Variants in AHCYL2 observed in about 807,000 individuals in gnomAD.
AHCYL2 encodes the protein S-adenosylhomocysteine hydrolase-like protein 2.
AHCYL2 carries 28 observed loss-of-function variants against 81.4 expected under a neutral mutation model. The ratio of observed to expected loss-of-function variants is 0.34; its 90% CI spans 0.25 to 0.47. The LOEUF (loss-of-function observed/expected upper bound fraction) is 0.47, where lower values mean the gene tolerates loss of function less well. Ranked by LOEUF, AHCYL2 falls within the 20% of genes least tolerant of loss-of-function variation. The pLI, the probability that AHCYL2 is intolerant of heterozygous loss-of-function variation, is 1.00. For missense variants in AHCYL2, 551 were observed against 785.1 expected, an observed-to-expected ratio of 0.70 and a Z score of 3.56; for synonymous variants, 272 against 290.2, an observed-to-expected ratio of 0.94 and a Z score of 0.64.
At chr7:129,413,002 C>A (rs983508037) in intron 11 of AHCYL2, among the ~76,000 whole-genome samples, 1 of 151,860 alleles carries the variant, frequency 6.6e-6, no homozygotes, top group Admixed American at 6.6e-5. Flanking sequence ...CCACACCCAG[C>A]TTATTTTTGT....
At position 129,425,098 on chromosome 7, in the gene AHCYL2, G is replaced by A; in HGVS notation, c.1665G>A (p.Glu555=). 6.2e-7 allele frequency: 1 copy of A among 1,613,544 alleles called. No individual in the cohort carries two copies. Among genetic ancestry groups the A allele is most frequent in the East Asian group, 2.2e-5 (1 of 44,894 alleles). Residue 555 remains glutamate, a synonymous_variant, in exon 15 of 17, where the codon GAG becomes GAA. Coordinates refer to ENST00000325006, the MANE Select transcript of AHCYL2 (RefSeq NM_015328.4). ...LALIELYNAP[E]GRYKQDVYLL... is the part of the protein sequence containing the mutation. ...TGATAGAGCTTTACAATGCTCCTGA[G>A]GGTCGCTATAAGCAGGATGTCTACC...
At chr7:129,402,034 G>A (rs115469846) in intron 6 of AHCYL2, among the ~76,000 whole-genome samples, 2,343 of 152,280 alleles carry the variant, frequency 0.015, 61 homozygotes, top group African/African-American at 0.053. Flanking sequence ...AAATCTTAGA[G>A]ACAGCAACTA....
Position 129,379,682 on chromosome 7 carries a change from C to T in AHCYL2, c.408C>T (p.Pro136=), listed in dbSNP as rs1334999406. Residue 136 remains proline (P), a synonymous_variant, in exon 2 of 17, where the codon CCC becomes CCT. Transcript: ENST00000325006. ...AGAAGCAAGAATTCAACAAACGTCC[C>T]ACCAAAATTGGACGTCGCTCTTTGT... ...ADQKQEFNKR[P]TKIGRRSLSR... The T allele has an allele frequency of 1.9e-6, 3 of 1,613,992 alleles. No individual in the cohort carries two copies. Among genetic ancestry groups the T allele is most frequent in the Non-Finnish European group, 1.7e-6 (2 of 1,180,014 alleles).
Position 129,289,680 on chromosome 7 carries a change from G to T in AHCYL2, c.363+64241G>T, listed in dbSNP as rs56026216. ...CAATTAGGCATTGGTTTTGGTGGGG[G>T]TTTTTTTGGTATCATAAACTCTTGG... is the stretch of plus-strand genomic sequence containing the variant. On this transcript the variant is annotated intron_variant, in intron 1 of 16. Coordinates refer to ENST00000325006, the MANE Select transcript of AHCYL2 (RefSeq NM_015328.4). 3.4e-3 allele frequency among the ~76,000 whole-genome samples: 518 copies of T among 151,966 alleles called. 1 individual carries two copies. Among genetic ancestry groups the T allele is most frequent in the African/African-American group, 0.012 (498 of 41,430 alleles).
chr7:129,270,950 A>G (rs1481568709), intron 1 of AHCYL2, among the ~76,000 whole-genome samples: 1 of 152,172 alleles, frequency 6.6e-6, no homozygotes, highest in Non-Finnish European at 1.5e-5. Context: ...TTAACATATA[A>G]AGTAGTCTTG....
At chr7:129,287,844 T>C (rs537446115) in intron 1 of AHCYL2, among the ~76,000 whole-genome samples, 1 of 152,240 alleles carries the variant, frequency 6.6e-6, no homozygotes, top group Non-Finnish European at 1.5e-5. Context: ...ATGTCGATCA[T>C]GTACTCCATT....
chr7:129,228,311 A>G (rs1423245653), intron 1 of AHCYL2, among the ~76,000 whole-genome samples: 1 of 152,210 alleles, frequency 6.6e-6, no homozygotes, highest in Non-Finnish European at 1.5e-5. Flanking sequence ...GCTCAGCCAC[A>G]CAAGGGGAAT....
At chr7:129,408,916 T>G (rs895317875) in intron 10 of AHCYL2, among the ~76,000 whole-genome samples, 1 of 151,968 alleles carries the variant, frequency 6.6e-6, no homozygotes, top group Non-Finnish European at 1.5e-5. Flanking sequence ...TCAAATAATA[T>G]AAGAGTCTAA....
At chr7:129,327,901 C>T (rs1253248599) in intron 1 of AHCYL2, among the ~76,000 whole-genome samples, 2 of 151,964 alleles carry the variant, frequency 1.3e-5, no homozygotes, top group Non-Finnish European at 1.5e-5. Context: ...TCAAGCGATC[C>T]TCCTGACTCA....
intron 1 of AHCYL2, among the ~76,000 whole-genome samples, chr7:129,239,543 CTCAAGCAG>C (rs1423147108): frequency 6.6e-6 from 1 of 151,720 alleles, no homozygotes; most frequent in Non-Finnish European, 1.5e-5. Context: ...AACTGCTGGG[CTCAAGCAG>C]TCCTCCTGCC....
intron 4 of AHCYL2, among the ~76,000 whole-genome samples, chr7:129,393,734 T>A (rs1795577938): frequency 6.6e-6 from 1 of 152,192 alleles, no homozygotes; most frequent in South Asian, 2.1e-4. Context: ...ATCTTGAACA[T>A]TCCATGCCCT....
At position 129,279,904 on chromosome 7, in the gene AHCYL2, C is replaced by G. The variant is rs77026449; in HGVS notation, c.363+54465C>G. ...CAGCAGTGAGGACAACCAGAGGCACCTCTTGGTTTTGGTCAGCTTCTTTAC... is the reference window on the plus strand; with the variant it reads ...CAGCAGTGAGGACAACCAGAGGCACGTCTTGGTTTTGGTCAGCTTCTTTAC... On this transcript the variant is annotated intron_variant, in intron 1 of 16. Coordinates refer to ENST00000325006, the MANE Select transcript of AHCYL2 (RefSeq NM_015328.4). Among the ~76,000 whole-genome samples, 16 of 152,224 alleles carry G rather than the reference C, an allele frequency of 1.1e-4. No individual in the cohort carries two copies. The East Asian group carries it at 3.1e-3, about 29-fold the overall frequency.
chr7:129,274,864 T>C (rs1250034280), intron 1 of AHCYL2, among the ~76,000 whole-genome samples: 2 of 152,128 alleles, frequency 1.3e-5, no homozygotes, highest in Non-Finnish European at 2.9e-5. Context: ...AGACACCATC[T>C]GGAGAAGAGC....
intron 1 of AHCYL2, among the ~76,000 whole-genome samples, chr7:129,291,134 T>G (rs1460198407): frequency 1.3e-5 from 2 of 152,134 alleles, no homozygotes; most frequent in Admixed American, 6.6e-5. Flanking sequence ...CCCCTCAGGT[T>G]CTTTTCTCTT....
rs373137775 is a variant in AHCYL2, at chr7:129,366,092, G to T, written c.364-13546G>T. ...TCAGAGTTGACACTCTGACTTCAGT[G>T]GGCCTTATTTTCCCTGCATCTCATC... On this transcript the variant is annotated intron_variant, in intron 1 of 16. Transcript: ENST00000325006. Among the ~76,000 whole-genome samples, 23 of 152,192 alleles carry T rather than the reference G, an allele frequency of 1.5e-4. No individual in the cohort carries two copies. In the South Asian group the frequency reaches 3.7e-3, roughly 25 times the overall value.
At chr7:129,327,188 A>G (rs568122211) in intron 1 of AHCYL2, among the ~76,000 whole-genome samples, 2 of 152,192 alleles carry the variant, frequency 1.3e-5, no homozygotes, top group African/African-American at 4.8e-5. Flanking sequence ...AAATGAGGTC[A>G]TAAGTGTGGA....
chr7:129,299,369 G>GTTTTTTTTTTTTTTTTTT lies in AHCYL2; in HGVS notation c.363+73955_363+73972dup, dbSNP rs71162592. Among the ~76,000 whole-genome samples, 6 of 46,306 alleles carry GTTTTTTTTTTTTTTTTTT rather than the reference G, an allele frequency of 1.3e-4. 1 individual carries two copies. The highest frequency in any genetic ancestry group is 2.5e-4 in the African/African-American group (3 of 12,216). 30.4% of individuals were successfully genotyped at this position (46,306 alleles called of 152,430 possible). A position where few individuals can be genotyped will look rare whatever the true frequency, so the allele number is the denominator to read the frequency against. ...AGGCTGAGGTGGGAGAGTCCAACTTGTTTTTTTTTTTTTTTTTTTTTTTTT... is the reference window on the plus strand; with the variant it reads ...AGGCTGAGGTGGGAGAGTCCAACTTGTTTTTTTTTTTTTTTTTTTTTTTTTTTTTTTTTTTTTTTTTTT... On this transcript the variant is annotated intron_variant, in intron 1 of 16. Transcript: ENST00000325006.
At position 129,422,825 on chromosome 7, in the gene AHCYL2, C is replaced by A; in HGVS notation, c.1462-15C>A. 1 of 1,611,616 alleles carries A rather than the reference C, an allele frequency of 6.2e-7. No individual in the cohort carries two copies. The highest frequency in any genetic ancestry group is 8.5e-7 in the Non-Finnish European group (1 of 1,177,988). ...CTTGCTATGGCTAATGCTGTACTTGCTGTATGTGTTCCAGGCGAGTCTGCG... is the reference window on the plus strand; with the variant it reads ...CTTGCTATGGCTAATGCTGTACTTGATGTATGTGTTCCAGGCGAGTCTGCG... On this transcript the variant is annotated splice_polypyrimidine_tract_variant and intron_variant, in intron 12 of 16. Transcript: ENST00000325006.
At chr7:129,250,875 A>G (rs1795224537) in intron 1 of AHCYL2, among the ~76,000 whole-genome samples, 1 of 152,190 alleles carries the variant, frequency 6.6e-6, no homozygotes, top group Non-Finnish European at 1.5e-5. Flanking sequence ...TGAGTCCTTC[A>G]GTTTTTGAAT....
Sources: allele counts gnomAD v4.1 joint callset (sites outside exome capture counted in the v4.1 genomes callset), GRCh38; gene constraint gnomAD v4.1.1; transcripts MANE v1.5; gene names NCBI Gene and HGNC (gene_info 2026-07-23, HGNC 2026-07-21).